The following SV2C variants were observed in gnomAD, a reference collection of about 807,000 sequenced individuals.
SV2C encodes the protein synaptic vesicle glycoprotein 2C, also known as solute carrier family 22 member B3.
In SV2C, 49 loss-of-function variants were observed where a neutral mutation model predicts 79.7. The ratio of observed to expected loss-of-function variants is 0.61; its 90% CI spans 0.49 to 0.78. The LOEUF (loss-of-function observed/expected upper bound fraction) is 0.78. SV2C is among the 30% of genes least tolerant of loss of function. The probability of loss-of-function intolerance (pLI) is 0.00; values close to 1 mark genes in which losing one functional copy is unlikely to be tolerated. For missense variants in SV2C, 833 were observed against 912.9 expected (o/e 0.91, Z 1.13); for synonymous variants, 334 against 333.2 (o/e 1.00, Z -0.03).
intron 2 of SV2C, among the ~76,000 whole-genome samples, chr5:76,138,369 G>A (rs1311619695): frequency 6.6e-6 from 1 of 152,148 alleles, no homozygotes; most frequent in Non-Finnish European, 1.5e-5. Context: ...CATTCTTGGT[G>A]AAAATACACC....
the SV2C span, among the ~76,000 whole-genome samples, chr5:76,039,032 TTTTTTC>T: frequency 1.3e-5 from 2 of 152,198 alleles, no homozygotes; most frequent in Admixed American, 1.3e-4. Flanking sequence ...ATGCTGGCTA[TTTTTTC>T]TTTAGCAATT....
Position 76,231,436 on chromosome 5 carries a change from A to C in SV2C, c.913+21549A>C, listed in dbSNP as rs567953977. ...CTGCAGCTCATGGCTGATTTTATTTATTTATTTTTTTTTATTATACTTTAA... is the reference window on the plus strand; with the variant it reads ...CTGCAGCTCATGGCTGATTTTATTTCTTTATTTTTTTTTATTATACTTTAA... On this transcript the variant is annotated intron_variant, in intron 4 of 12. Transcript: ENST00000502798. Among the ~76,000 whole-genome samples the C allele has an allele frequency of 1.1e-3, 154 of 137,628 alleles. 1 individual carries two copies. The highest frequency in any genetic ancestry group is 4.6e-3 in the African/African-American group (133 of 28,698). 90.3% of individuals were successfully genotyped at this position (137,628 alleles called of 152,430 possible).
At chr5:76,036,260 A>T in the SV2C span, among the ~76,000 whole-genome samples, 1 of 149,720 alleles carries the variant, frequency 6.7e-6, no homozygotes, top group African/African-American at 2.5e-5. Context: ...AGTTAATATT[A>T]TTATGTGTGA....
At chr5:76,013,969 T>C in the SV2C span, among the ~76,000 whole-genome samples, 1 of 152,094 alleles carries the variant, frequency 6.6e-6, no homozygotes, top group African/African-American at 2.4e-5. Context: ...ACATAAAGCA[T>C]ATTTTAGTTA....
chr5:76,350,219 A>G (rs1749621042), intron 12 of SV2C, among the ~76,000 whole-genome samples: 2 of 152,124 alleles, frequency 1.3e-5, no homozygotes, highest in South Asian at 4.1e-4. Flanking sequence ...GGGGCCCTTT[A>G]GCTGCTAGAG....
chr5:76,294,565 G>T (rs181607750), intron 8 of SV2C, among the ~76,000 whole-genome samples: 26 of 152,200 alleles, frequency 1.7e-4, no homozygotes, highest in African/African-American at 6.3e-4. Flanking sequence ...CTCCCAAAGT[G>T]TTGGGATTAT....
intron 1 of SV2C, among the ~76,000 whole-genome samples, chr5:76,123,147 G>A (rs550774544): frequency 2.0e-5 from 3 of 152,148 alleles, no homozygotes; most frequent in South Asian, 2.1e-4. Context: ...TAAATTCGTC[G>A]ACACATACAC....
At chr5:76,287,997 A>G (rs1170634124) in intron 6 of SV2C, among the ~76,000 whole-genome samples, 1 of 150,476 alleles carries the variant, frequency 6.6e-6, no homozygotes, top group African/African-American at 2.4e-5. Flanking sequence ...AGGCAGGAGA[A>G]TGGCTTGAGC....
chr5:76,255,516 C>A (rs959972537), intron 4 of SV2C, among the ~76,000 whole-genome samples: 1 of 152,166 alleles, frequency 6.6e-6, no homozygotes, highest in Non-Finnish European at 1.5e-5. Context: ...ATCACATTTC[C>A]TTCTTAACTG....
chr5:75,991,934 C>T, the SV2C span, among the ~76,000 whole-genome samples: 3 of 151,740 alleles, frequency 2.0e-5, no homozygotes, highest in African/African-American at 7.3e-5. Flanking sequence ...AATCTGGTAT[C>T]AGTACCTGCT....
At chr5:76,008,686 C>A in the SV2C span, among the ~76,000 whole-genome samples, 1 of 152,166 alleles carries the variant, frequency 6.6e-6, no homozygotes, top group East Asian at 1.9e-4. Flanking sequence ...TACCATGAGA[C>A]CATGTTTCCA....
chr5:76,123,482 A>C (rs1320634687), intron 1 of SV2C, among the ~76,000 whole-genome samples: 1 of 152,216 alleles, frequency 6.6e-6, no homozygotes, highest in East Asian at 1.9e-4. Flanking sequence ...TCCTCAATAA[A>C]ATACTGGCAA....
chr5:76,303,966 G>A (rs942959290), intron 12 of SV2C, among the ~76,000 whole-genome samples: 1 of 152,178 alleles, frequency 6.6e-6, no homozygotes, highest in Admixed American at 6.5e-5. Flanking sequence ...TCTAAGGAAG[G>A]TTTGGCAAGG....
chr5:76,221,638 ATTTGG>A (rs1019027004), intron 4 of SV2C, among the ~76,000 whole-genome samples: 1 of 152,086 alleles, frequency 6.6e-6, no homozygotes, highest in Non-Finnish European at 1.5e-5. Context: ...TGGCCTTTCT[ATTTGG>A]TTTCAGAGAA....
At chr5:75,904,079 C>G in the SV2C span, among the ~76,000 whole-genome samples, 1 of 152,102 alleles carries the variant, frequency 6.6e-6, no homozygotes, top group African/African-American at 2.4e-5. Context: ...TTGAATTACA[C>G]ATTATAGCTC....
At chr5:75,944,061 A>T in the SV2C span, among the ~76,000 whole-genome samples, 1 of 152,198 alleles carries the variant, frequency 6.6e-6, no homozygotes, top group Non-Finnish European at 1.5e-5. Flanking sequence ...TCTGTTTCCC[A>T]GGCTGTAGTG....
At chr5:75,984,586 T>C in the SV2C span, among the ~76,000 whole-genome samples, 7,170 of 122,610 alleles carry the variant, frequency 0.058, 274 homozygotes, top group East Asian at 0.21. Flanking sequence ...TATCTATCTA[T>C]CTATCTATCT....
downstream of SV2C, among the ~76,000 whole-genome samples, chr5:76,337,248 C>T (rs1749346904): frequency 6.6e-6 from 1 of 152,120 alleles, no homozygotes; most frequent in Non-Finnish European, 1.5e-5. Context: ...GCCATCTTCT[C>T]TCTGTGTCTT....
intron 4 of SV2C, among the ~76,000 whole-genome samples, chr5:76,241,146 G>A (rs1462859762): frequency 6.6e-6 from 1 of 151,016 alleles, no homozygotes; most frequent in African/African-American, 2.4e-5. Context: ...TAGTAGAGAC[G>A]GGGTTTCACC....
Sources: allele counts gnomAD v4.1 joint callset (sites outside exome capture counted in the v4.1 genomes callset), GRCh38; gene constraint gnomAD v4.1.1; transcripts MANE v1.5; gene names NCBI Gene and HGNC (gene_info 2026-07-23, HGNC 2026-07-21).